ERICH1: variants seen among roughly 807,000 people sequenced by gnomAD.
ERICH1 encodes the protein glutamate-rich protein 1.
Under a neutral mutation model 39.6 loss-of-function variants are expected in ERICH1, and 56 were observed. The ratio of observed to expected loss-of-function variants is 1.41; its 90% CI spans 1.14 to 1.77. ERICH1 has a LOEUF of 1.77. Among genes scored for constraint, ERICH1 ranks in the 40% most tolerant of loss-of-function variants. ERICH1 has a pLI of 0.00. For synonymous variants in ERICH1, 313 were observed against 223.6 expected (o/e 1.40, Z -3.57); for missense variants, 826 against 575.4 (o/e 1.44, Z -4.45).
intron 3 of ERICH1, among the ~76,000 whole-genome samples, chr8:657,818 T>A (rs1326275294): frequency 6.6e-6 from 1 of 152,026 alleles, no homozygotes; most frequent in Admixed American, 6.6e-5. Context: ...CAGAGGAAGA[T>A]CCCAGATGCT....
chr8:694,540 G>A (rs1809683958), intron 2 of ERICH1, among the ~76,000 whole-genome samples: 1 of 152,160 alleles, frequency 6.6e-6, no homozygotes, highest in African/African-American at 2.4e-5. Flanking sequence ...AACGCACCGC[G>A]CCAGGGAGAC....
At chr8:638,646 C>T (rs1318941401) in intron 3 of ERICH1, among the ~76,000 whole-genome samples, 1 of 152,164 alleles carries the variant, frequency 6.6e-6, no homozygotes, top group Non-Finnish European at 1.5e-5. Context: ...CATGATTCTG[C>T]TTGTGGATAA....
chr8:697,884 C>G (rs1261421728), intron 2 of ERICH1, among the ~76,000 whole-genome samples: 2 of 152,206 alleles, frequency 1.3e-5, no homozygotes, highest in African/African-American at 4.8e-5. Context: ...GAGGCCATCC[C>G]TGAGACGAGG....
Position 649,350 on chromosome 8 carries a change from AAAC to A in ERICH1, c.976+19245_976+19247del, listed in dbSNP as rs1263663016. Among the ~76,000 whole-genome samples the A allele has an allele frequency of 1.3e-4, 2 of 15,954 alleles. 1 individual carries two copies. The highest frequency in any genetic ancestry group is 7.5e-4 in the Non-Finnish European group (2 of 2,684). 10.5% of individuals were successfully genotyped at this position (15,954 alleles called of 152,430 possible). ...CCTATTTCTTTGCATTTCACCCTGA[AAAC>A]AACAAGAATAGAGTTTGCAGAAGGG... On this transcript the variant is annotated intron_variant, in intron 3 of 3. Coordinates refer to the ERICH1 transcript ENST00000522706.
At chr8:698,850 C>T (rs1428179938) in intron 2 of ERICH1, among the ~76,000 whole-genome samples, 2 of 151,452 alleles carry the variant, frequency 1.3e-5, no homozygotes, top group Admixed American at 6.6e-5. Flanking sequence ...CACCTCCGTC[C>T]TCCTCAGGTA....
intron 2 of ERICH1, among the ~76,000 whole-genome samples, chr8:697,905 C>G (rs369034608): frequency 1.8e-4 from 27 of 151,896 alleles, no homozygotes; most frequent in African/African-American, 6.3e-4. Flanking sequence ...AGTGTAGGGA[C>G]CAGGAGCTTT....
At chr8:728,936 G>A (rs1254475616) in intron 1 of ERICH1, among the ~76,000 whole-genome samples, 1 of 150,812 alleles carries the variant, frequency 6.6e-6, no homozygotes, top group Non-Finnish European at 1.5e-5. Context: ...AAAAAAAAAT[G>A]CTTAGAATCA....
chr8:700,252 C>CAG (rs1288045692), intron 2 of ERICH1, among the ~76,000 whole-genome samples: 2 of 53,980 alleles, frequency 3.7e-5, no homozygotes, highest in Non-Finnish European at 8.5e-5. Flanking sequence ...CAGGCCCGCA[C>CAG]ACGCGCACAG....
At chr8:637,846 G>A (rs1404181568) in intron 3 of ERICH1, among the ~76,000 whole-genome samples, 4 of 152,206 alleles carry the variant, frequency 2.6e-5, no homozygotes, top group Non-Finnish European at 4.4e-5. Context: ...CCAGCCGTGC[G>A]AGAGCACAGC....
chr8:616,173 G>A (rs12676486), intron 3 of ERICH1: 154,876 of 200,740 alleles, frequency 0.77, 60,839 homozygotes, highest in East Asian at 0.99. Context: ...TAAACTCAAG[G>A]GTACACCTTA....
chr8:630,160 CCACA>C (rs1395917310), intron 3 of ERICH1, among the ~76,000 whole-genome samples: 44 of 130,842 alleles, frequency 3.4e-4, no homozygotes, highest in South Asian at 5.2e-4. Context: ...CCGTGACCAC[CCACA>C]CAGACAGAGC....
intron 3 of ERICH1, among the ~76,000 whole-genome samples, chr8:630,184 C>T (rs1341277334): frequency 7.2e-6 from 1 of 139,092 alleles, no homozygotes; most frequent in East Asian, 2.3e-4. Flanking sequence ...CTGACTCACA[C>T]CCTCCCGTGA....
intron 1 of ERICH1, 98 bp from the exon 2 acceptor site, chr8:716,105 T>C (rs928149669): frequency 2.1e-6 from 3 of 1,409,974 alleles, no homozygotes; most frequent in Non-Finnish European, 2.8e-6. Context: ...AACACACACA[T>C]CCTGAAAGCA....
intron 2 of ERICH1, among the ~76,000 whole-genome samples, chr8:702,672 G>T (rs554964828): frequency 1.6e-4 from 25 of 152,380 alleles, no homozygotes; most frequent in African/African-American, 5.5e-4. Context: ...CAGGTTCCGT[G>T]ACAGGCGAAG....
At chr8:646,603 C>T (rs1245114362) in intron 3 of ERICH1, among the ~76,000 whole-genome samples, 1 of 68,692 alleles carries the variant, frequency 1.5e-5, no homozygotes, top group Admixed American at 1.3e-4. Context: ...CCTTGGGTCC[C>T]GTGGCCGAGC....
At chr8:656,748 G>T (rs1233173478) in intron 3 of ERICH1, 1 of 985,120 alleles carries the variant, frequency 1.0e-6, no homozygotes, top group Non-Finnish European at 1.2e-6. Context: ...TCTACAAGGG[G>T]CCTCAGCTAG....
At position 673,325 on chromosome 8, in the gene ERICH1, A is replaced by G; in HGVS notation, c.1027T>C (p.Phe343Leu). The change falls in exon 4 of 6, where the codon TTT becomes CTT. Residue 343 changes from phenylalanine (F) to leucine (L), a missense_variant. Physicochemically the swap from Phe to Leu is conservative, Grantham distance 22. Transcript: ENST00000262109. ...TNEKAHSILN[F>L]LKSTQEMYFY... ...TACATTTCCTGTGTTGACTTCAAAAAATTTAGAATACTGTGTGCCTTTTCA... is the reference window on the plus strand; with the variant it reads ...TACATTTCCTGTGTTGACTTCAAAAGATTTAGAATACTGTGTGCCTTTTCA... 6.2e-7 allele frequency: 1 copy of G among 1,609,720 alleles called. No homozygotes were observed. Among genetic ancestry groups the G allele is most frequent in the Non-Finnish European group, 8.5e-7 (1 of 1,176,344 alleles).
chr8:630,628 C>A (rs1287078477), intron 3 of ERICH1, among the ~76,000 whole-genome samples: 1 of 127,324 alleles, frequency 7.9e-6, no homozygotes, highest in Non-Finnish European at 1.7e-5. Context: ...ACAGACAGAG[C>A]TGACACACAC....
chr8:651,518 A>C (rs1478927993), intron 3 of ERICH1, among the ~76,000 whole-genome samples: 1 of 152,170 alleles, frequency 6.6e-6, no homozygotes, highest in African/African-American at 2.4e-5. Flanking sequence ...GCCAGCCCGG[A>C]GAGGCTCCCA....
Sources: gnomAD v4.1 joint callset for allele counts (sites outside exome capture counted in the v4.1 genomes callset) on GRCh38, gnomAD v4.1.1 for gene constraint, MANE v1.5 for transcripts, NCBI Gene and HGNC (gene_info 2026-07-23, HGNC 2026-07-21) for gene names.